The following VTI1A variants were observed in gnomAD, a reference collection of about 807,000 sequenced individuals.
The protein encoded by VTI1A is vesicle transport through interaction with t-SNAREs homolog 1A.
VTI1A carries 22 observed loss-of-function variants against 34.9 expected under a neutral mutation model. That is an observed-to-expected ratio of 0.63 (90% confidence interval 0.45 to 0.90). The LOEUF is 0.90. Among genes scored for constraint, VTI1A ranks in the 40% least tolerant of loss-of-function variants. The pLI, the probability that VTI1A is intolerant of heterozygous loss-of-function variation, is 0.00. For missense variants in VTI1A, 268 were observed against 275.6 expected (o/e 0.97, Z 0.20); for synonymous variants, 87 against 97.3 (o/e 0.89, Z 0.62).
chr10:112,530,613 AAGAGT>A (rs1477489216), intron 4 of VTI1A, among the ~76,000 whole-genome samples: 2 of 152,328 alleles, frequency 1.3e-5, no homozygotes, highest in Non-Finnish European at 2.9e-5. Context: ...TCAAAATATA[AAGAGT>A]AGACTATTTC....
intron 5 of VTI1A, among the ~76,000 whole-genome samples, chr10:112,626,376 T>C (rs546987643): frequency 2.0e-5 from 3 of 146,590 alleles, no homozygotes; most frequent in South Asian, 2.2e-4. Context: ...GAAAACAAGA[T>C]TTTTTTCTGT....
At chr10:112,470,893 A>G (rs1848051551) in intron 3 of VTI1A, among the ~76,000 whole-genome samples, 1 of 152,186 alleles carries the variant, frequency 6.6e-6, no homozygotes, top group Non-Finnish European at 1.5e-5. Flanking sequence ...GTGTCAAAAA[A>G]TAAAATAAAA....
At chr10:112,487,762 A>G (rs1009084254) in intron 3 of VTI1A, among the ~76,000 whole-genome samples, 3 of 152,118 alleles carry the variant, frequency 2.0e-5, no homozygotes, top group Admixed American at 2.0e-4. Context: ...TCTACTTTAT[A>G]TATCTTTTAT....
At chr10:112,842,051 C>CTTTTTTT in the VTI1A span, among the ~76,000 whole-genome samples, 34 of 66,618 alleles carry the variant, frequency 5.1e-4, no homozygotes, top group Non-Finnish European at 6.3e-4. Flanking sequence ...TTTTTTTTTC[C>CTTTTTTT]TTTTTTTTTT....
chr10:112,739,026 A>G (rs1050752561), intron 7 of VTI1A, among the ~76,000 whole-genome samples: 8 of 152,152 alleles, frequency 5.3e-5, no homozygotes, highest in African/African-American at 1.9e-4. Flanking sequence ...CATGCTGCCA[A>G]TCAGACAAGG....
intron 5 of VTI1A, among the ~76,000 whole-genome samples, chr10:112,613,022 T>A (rs1308544970): frequency 2.0e-5 from 3 of 152,164 alleles, no homozygotes; most frequent in East Asian, 1.9e-4. Flanking sequence ...GCTGTTTTTT[T>A]AAAAATGATA....
intron 1 of VTI1A, among the ~76,000 whole-genome samples, chr10:112,452,139 T>C (rs1393800271): frequency 6.6e-6 from 1 of 152,138 alleles, no homozygotes; most frequent in Non-Finnish European, 1.5e-5. Flanking sequence ...GCTACAATAG[T>C]TTGTTCCTTG....
At chr10:112,693,931 A>G (rs1350906168) in intron 7 of VTI1A, among the ~76,000 whole-genome samples, 1 of 152,144 alleles carries the variant, frequency 6.6e-6, no homozygotes, top group Non-Finnish European at 1.5e-5. Flanking sequence ...TTTTAATGCG[A>G]GGCTCGGTGG....
At chr10:112,501,799 A>G (rs1339824872) in intron 3 of VTI1A, among the ~76,000 whole-genome samples, 1 of 152,102 alleles carries the variant, frequency 6.6e-6, no homozygotes, top group East Asian at 1.9e-4. Context: ...CTGAAATTAA[A>G]ATGTAGCTCT....
intron 3 of VTI1A, among the ~76,000 whole-genome samples, chr10:112,493,503 A>G (rs1385203878): frequency 6.6e-6 from 1 of 152,126 alleles, no homozygotes; most frequent in African/African-American, 2.4e-5. Flanking sequence ...ACACACTGAT[A>G]TAATACTGAA....
intron 5 of VTI1A, among the ~76,000 whole-genome samples, chr10:112,649,483 A>G (rs1356682555): frequency 6.6e-6 from 1 of 152,170 alleles, no homozygotes; most frequent in Non-Finnish European, 1.5e-5. Context: ...GTGTGGAGGA[A>G]TCAGATATAT....
At chr10:112,567,933 G>A (rs918694718) in intron 5 of VTI1A, among the ~76,000 whole-genome samples, 7 of 152,104 alleles carry the variant, frequency 4.6e-5, no homozygotes, top group Admixed American at 2.0e-4. Flanking sequence ...ATCCGTATAG[G>A]CAAAACCAGA....
At chr10:112,499,470 G>A (rs904509472) in intron 3 of VTI1A, among the ~76,000 whole-genome samples, 4 of 151,936 alleles carry the variant, frequency 2.6e-5, no homozygotes, top group African/African-American at 9.7e-5. Context: ...TTTTATGTAT[G>A]CCCATGGCTT....
At chr10:112,697,888 G>A (rs1848853456) in intron 7 of VTI1A, among the ~76,000 whole-genome samples, 1 of 151,752 alleles carries the variant, frequency 6.6e-6, no homozygotes, top group Admixed American at 6.6e-5. Context: ...GTGTGTGTGT[G>A]TGTGTGTGTG....
At chr10:112,599,453 A>C (rs1481142573) in intron 5 of VTI1A, among the ~76,000 whole-genome samples, 2 of 152,164 alleles carry the variant, frequency 1.3e-5, no homozygotes, top group Non-Finnish European at 2.9e-5. Context: ...TGAGAAGTTA[A>C]ATATTAGGAC....
rs192415183 is a variant in VTI1A, at chr10:112,753,000, T to C, written c.561-62290T>C. 5.1e-3 allele frequency among the ~76,000 whole-genome samples: 770 copies of C among 152,262 alleles called. 5 individuals carry two copies. Among genetic ancestry groups the C allele is most frequent in the African/African-American group, 0.017 (712 of 41,552 alleles). On this transcript the variant is annotated intron_variant, in intron 7 of 7. Coordinates refer to ENST00000393077, the MANE Select transcript of VTI1A (RefSeq NM_145206.4). Reference sequence around the variant, plus strand: ...ATGAAGCCTGAAAAACGGTTTTTTTTCCCTGATTTGTATGTGTATCTTACA... The same window carrying C: ...ATGAAGCCTGAAAAACGGTTTTTTTCCCCTGATTTGTATGTGTATCTTACA...
At chr10:112,802,123 C>A (rs1247313636) in intron 7 of VTI1A, among the ~76,000 whole-genome samples, 3 of 152,162 alleles carry the variant, frequency 2.0e-5, no homozygotes, top group Non-Finnish European at 4.4e-5. Context: ...GTGGCATGCA[C>A]CTGTGGTCCC....
chr10:112,722,756 C>T (rs1849858666), intron 7 of VTI1A, among the ~76,000 whole-genome samples: 1 of 152,080 alleles, frequency 6.6e-6, no homozygotes, highest in African/African-American at 2.4e-5. Flanking sequence ...TCTCTAGTTC[C>T]CAGATACTGG....
At chr10:112,792,520 C>T (rs1852519354) in intron 7 of VTI1A, among the ~76,000 whole-genome samples, 3 of 152,118 alleles carry the variant, frequency 2.0e-5, no homozygotes, top group African/African-American at 7.2e-5. Context: ...TGTTTGTTGA[C>T]ATAATCACCC....
Sources: gnomAD v4.1 joint callset for allele counts (sites outside exome capture counted in the v4.1 genomes callset) on GRCh38, gnomAD v4.1.1 for gene constraint, MANE v1.5 for transcripts, NCBI Gene and HGNC (gene_info 2026-07-23, HGNC 2026-07-21) for gene names.